TANC2: variants seen among roughly 807,000 people sequenced by gnomAD.
TANC2 encodes the protein protein TANC2.
A neutral mutation model predicts 210.5 loss-of-function variants in TANC2; 26 were observed. That is an observed-to-expected ratio of 0.12 (90% CI 0.09 to 0.17). The LOEUF is 0.17. Ranked by LOEUF, TANC2 falls within the 10% of genes least tolerant of loss-of-function variation. TANC2 has a pLI of 1.00. For missense variants in TANC2, 2,129 were observed against 2,608.9 expected (o/e 0.82, Z 4.01); for synonymous variants, 931 against 967.1 (o/e 0.96, Z 0.69).
At chr17:62,980,705 A>G (rs1398876578) in intron 1 of TANC2, among the ~76,000 whole-genome samples, 1 of 151,870 alleles carries the variant, frequency 6.6e-6, no homozygotes, top group Non-Finnish European at 1.5e-5. Context: ...GATGCCTAGG[A>G]CTCACTCCCA....
intron 7 of TANC2, among the ~76,000 whole-genome samples, chr17:63,222,129 G>C (rs531258935): frequency 3.3e-5 from 5 of 152,264 alleles, no homozygotes; most frequent in African/African-American, 1.2e-4. Flanking sequence ...TTCCTGTTTC[G>C]TAGACAGCAT....
intron 5 of TANC2, among the ~76,000 whole-genome samples, chr17:63,172,777 T>C (rs1007091569): frequency 6.6e-6 from 1 of 152,204 alleles, no homozygotes; most frequent in Non-Finnish European, 1.5e-5. Flanking sequence ...ATGTTCTCTC[T>C]ACTAAGAATT....
chr17:63,421,280 G>A lies in TANC2; in HGVS notation c.5550G>A (p.Pro1850=), dbSNP rs773353569. The A allele has an allele frequency of 1.9e-5, 31 of 1,613,850 alleles. No homozygotes were observed. In the Admixed American group the frequency reaches 2.2e-4, roughly 11 times the overall value. Residue 1850 remains proline (P), a synonymous_variant, in exon 28 of 28, where the codon CCG becomes CCA. Transcript: ENST00000689528. The surrounding 1 kb of genome is among the most constrained non-coding windows in gnomAD (Gnocchi z 6.9). The stretch of plus-strand genomic sequence containing the variant: ...ACCCTAACGAAATCAAACCGCACCC[G>A]CCAACTCCCAGGCCGTTGCTGCATT...
chr17:63,166,861 G>A (rs947925217), intron 5 of TANC2, among the ~76,000 whole-genome samples: 4 of 152,170 alleles, frequency 2.6e-5, no homozygotes, highest in Non-Finnish European at 5.9e-5. Flanking sequence ...TAGGGTTTAT[G>A]TGTTCCTGTG....
chr17:63,190,400 T>C (rs1016886120), intron 5 of TANC2, among the ~76,000 whole-genome samples: 32 of 152,214 alleles, frequency 2.1e-4, no homozygotes, highest in African/African-American at 7.7e-4. Flanking sequence ...GGACTCTTTA[T>C]TTCATTGGTC....
chr17:63,166,379 G>A (rs2040211720), intron 5 of TANC2, among the ~76,000 whole-genome samples: 1 of 152,114 alleles, frequency 6.6e-6, no homozygotes, highest in African/African-American at 2.4e-5. Context: ...GTATGTCTAA[G>A]TTATGTACGA....
intron 8 of TANC2, among the ~76,000 whole-genome samples, chr17:63,247,631 T>A (rs1251082773): frequency 6.6e-6 from 1 of 152,088 alleles, no homozygotes. Context: ...TTAGTCTTTC[T>A]GGCTAGCAGA....
chr17:63,322,348 AT>A (rs2045520913), intron 11 of TANC2, among the ~76,000 whole-genome samples: 1 of 152,080 alleles, frequency 6.6e-6, no homozygotes, highest in South Asian at 2.1e-4. Flanking sequence ...AATACAAAAA[AT>A]TAGCCGGGCG....
At chr17:62,981,813 G>A (rs1299334737) in intron 1 of TANC2, among the ~76,000 whole-genome samples, 1 of 152,138 alleles carries the variant, frequency 6.6e-6, no homozygotes, top group African/African-American at 2.4e-5. Flanking sequence ...GAACAGGAAA[G>A]CACTGTAGGT....
intron 1 of TANC2, among the ~76,000 whole-genome samples, chr17:63,004,259 G>C (rs1438855864): frequency 6.6e-6 from 1 of 152,178 alleles, no homozygotes; most frequent in East Asian, 1.9e-4. Context: ...GGAAGGTTCA[G>C]ATTGCCTGAC....
At chr17:63,005,896 TTGTGTGTGTG>T (rs56763847) in intron 1 of TANC2, among the ~76,000 whole-genome samples, 4,291 of 132,822 alleles carry the variant, frequency 0.032, 84 homozygotes, top group Non-Finnish European at 0.044. Flanking sequence ...GCTGTATAGT[TTGTGTGTGTG>T]TGTGTGTGTG....
Position 63,267,740 on chromosome 17 carries a change from C to A in TANC2, c.1034-8C>A. ...AAATATTCTAACTAAACTTTTCTTT[C>A]TTGTCAGCCACCAGCTCTGCCCACT... On this transcript the variant is annotated splice_polypyrimidine_tract_variant and splice_region_variant and intron_variant, in intron 8 of 27. Transcript: ENST00000689528. 2.5e-6 allele frequency: 4 copies of A among 1,610,054 alleles called. No homozygotes were observed. Among genetic ancestry groups the A allele is most frequent in the Non-Finnish European group, 3.4e-6 (4 of 1,178,010 alleles).
In TANC2 at chr17:63,219,234, C is replaced by A. The variant is rs140420680; in HGVS notation, c.769+18277C>A. ...ACCATGGCAGGCAGGCCAAATCTGG[C>A]TACCCACGTGTTTGTCTCCTGAAAG... On this transcript the variant is annotated intron_variant, in intron 7 of 27. Transcript: ENST00000689528. Among the ~76,000 whole-genome samples, 18 of 152,090 alleles carry A rather than the reference C, an allele frequency of 1.2e-4. No individual in the cohort carries two copies. In the East Asian group the frequency reaches 3.5e-3, roughly 29 times the overall value.
intron 14 of TANC2, among the ~76,000 whole-genome samples, chr17:63,364,269 G>C (rs1430631153): frequency 6.6e-6 from 1 of 152,130 alleles, no homozygotes; most frequent in Non-Finnish European, 1.5e-5. Flanking sequence ...ATAAATCATA[G>C]GATCGACATC....
intron 7 of TANC2, among the ~76,000 whole-genome samples, chr17:63,237,358 T>C (rs1372981387): frequency 6.6e-6 from 1 of 152,158 alleles, no homozygotes; most frequent in African/African-American, 2.4e-5. Flanking sequence ...TCCTTGTATA[T>C]TCTTAATGTT....
intron 2 of TANC2, among the ~76,000 whole-genome samples, chr17:63,055,023 C>T (rs533959358): frequency 5.3e-5 from 8 of 152,258 alleles, no homozygotes; most frequent in South Asian, 2.1e-4. Flanking sequence ...AGATGAGCTT[C>T]GGCTAGATTA....
intron 12 of TANC2, among the ~76,000 whole-genome samples, chr17:63,345,624 A>AG (rs1227680045): frequency 6.0e-5 from 9 of 149,312 alleles, no homozygotes; most frequent in Non-Finnish European, 1.0e-4. Context: ...TGTCTCAAAA[A>AG]AAAAAAAAAA....
At chr17:62,969,305 T>C (rs2031550393) in intron 1 of TANC2, among the ~76,000 whole-genome samples, 1 of 152,240 alleles carries the variant, frequency 6.6e-6, no homozygotes, top group South Asian at 2.1e-4. Context: ...TGCCCAATAC[T>C]ATATAGCTGA....
intron 9 of TANC2, among the ~76,000 whole-genome samples, chr17:63,269,521 A>G (rs1424612517): frequency 6.6e-6 from 1 of 152,136 alleles, no homozygotes; most frequent in Non-Finnish European, 1.5e-5. Context: ...CTTCCATCTT[A>G]TTACTAAAAA....
Sources: allele counts gnomAD v4.1 joint callset (sites outside exome capture counted in the v4.1 genomes callset), GRCh38; gene constraint gnomAD v4.1.1; non-coding constraint Gnocchi (gnomAD v3.1); transcripts MANE v1.5; gene names NCBI Gene and HGNC (gene_info 2026-07-23, HGNC 2026-07-21).